Variants in DSC3 observed in about 807,000 individuals in gnomAD.
DSC3 encodes desmocollin-3.
Under a neutral mutation model 89.5 loss-of-function variants are expected in DSC3, and 97 were observed. That is an observed-to-expected ratio of 1.08 (90% CI 0.92 to 1.28). The LOEUF (loss-of-function observed/expected upper bound fraction) is 1.28. DSC3 is among the 50% of genes most tolerant of loss of function. DSC3 has a pLI of 0.00. For synonymous variants in DSC3, 436 were observed against 384.1 expected, an observed-to-expected ratio of 1.14 and a Z score of -1.58; for missense variants, 1,199 against 1,085.3, an observed-to-expected ratio of 1.10 and a Z score of -1.47.
intron 1 of DSC3, among the ~76,000 whole-genome samples, chr18:31,039,850 C>G (rs1318894053): frequency 6.6e-6 from 1 of 152,180 alleles, no homozygotes; most frequent in Non-Finnish European, 1.5e-5. Context: ...ATGCATCAAT[C>G]TAAATATACG....
chr18:31,035,503 T>G (rs1035849771), intron 1 of DSC3, among the ~76,000 whole-genome samples: 7 of 152,056 alleles, frequency 4.6e-5, no homozygotes, highest in African/African-American at 1.7e-4. Flanking sequence ...CTTAAGTATA[T>G]AGTTGTCACC....
At chr18:31,032,043 C>A in intron 2 of DSC3, 149 bp downstream of exon 2, 2 of 624,384 alleles carry the variant, frequency 3.2e-6, no homozygotes, top group Non-Finnish European at 2.9e-6. Flanking sequence ...ACATTTTTAA[C>A]AGAATGATAA....
At chr18:30,999,578 A>C (rs1036018937) in intron 14 of DSC3, among the ~76,000 whole-genome samples, 1 of 152,202 alleles carries the variant, frequency 6.6e-6, no homozygotes, top group Admixed American at 6.5e-5. Flanking sequence ...AGCAATGCTG[A>C]GCCTACAGGG....
In DSC3 at chr18:30,993,422, C is replaced by T. The variant is rs561190888; in HGVS notation, c.*753G>A. 1 of 152,304 alleles carries T rather than the reference C, an allele frequency of 6.6e-6. No homozygotes were observed. The highest frequency in any genetic ancestry group is 2.1e-4 in the South Asian group (1 of 4,822). 9.4% of individuals were successfully genotyped at this position (152,304 alleles called of 1,614,324 possible). A position where few individuals can be genotyped will look rare whatever the true frequency, so the allele number is the denominator to read the frequency against. ...ACAAATTACACAAATTGGACAGGAA[C>T]TATTTCCTCATAGACTCAGTTATAA... On this transcript the variant is annotated 3_prime_UTR_variant, in exon 16 of 16. Transcript: ENST00000360428.
rs751733562 is a variant in DSC3 at position 31,032,245 on chromosome 18, T to A, written c.101A>T (p.Lys34Met). ...TTTAGAAGGTACATTAAGTATCACC[T>A]TTTTGCAGGCTTCACCAGCACGACT... ...IFSRAGEACK[K>M]VILNVPSKLE... The change falls in exon 2 of 16, where the codon AAG becomes ATG. Residue 34 changes from lysine (K) to methionine (M), a missense_variant. Coordinates refer to ENST00000360428, the MANE Select transcript of DSC3 (RefSeq NM_001941.5). The A allele has an allele frequency of 6.2e-7, 1 of 1,613,636 alleles. No homozygotes were observed. Among genetic ancestry groups the A allele is most frequent in the South Asian group, 1.1e-5 (1 of 91,068 alleles).
intron 4 of DSC3, 145 bp from the exon 5 acceptor site, chr18:31,026,060 A>G (rs972596791): frequency 1.2e-6 from 1 of 833,224 alleles, no homozygotes; most frequent in African/African-American, 1.7e-5. Flanking sequence ...ATTGTTGGCA[A>G]GAGTAAGGCA....
At chr18:31,040,232 A>T (rs939218251) in intron 1 of DSC3, among the ~76,000 whole-genome samples, 1 of 152,098 alleles carries the variant, frequency 6.6e-6, no homozygotes, top group African/African-American at 2.4e-5. Context: ...AAAATGATGG[A>T]TTAGCCGTGT....
In DSC3 at chr18:31,042,623, G is replaced by A. The variant is rs1406851414; in HGVS notation, c.38C>T (p.Ala13Val). ...AAGPRRSVRG[A>V]VCLHLLLTLV... The stretch of plus-strand genomic sequence containing the variant: ...GGTCAGCAGCAGATGCAGGCAGACG[G>A]CTCCGCGCACGGAGCGCCGGGGCCC... The change falls in exon 1 of 16, where the codon GCC becomes GTC. Residue 13 changes from alanine to valine, a missense_variant. Transcript: ENST00000360428. 1.9e-6 allele frequency: 3 copies of A among 1,550,282 alleles called. No individual in the cohort carries two copies. The highest frequency in any genetic ancestry group is 2.4e-5 in the East Asian group (1 of 40,904).
At position 31,041,322 on chromosome 18, in the gene DSC3, G is replaced by A. The variant is rs1401717748; in HGVS notation, c.69+1270C>T. Among the ~76,000 whole-genome samples the A allele has an allele frequency of 2.0e-5, 3 of 152,336 alleles. No individual in the cohort carries two copies. The East Asian group carries it at 5.8e-4, about 29-fold the overall frequency. On this transcript the variant is annotated intron_variant, in intron 1 of 15. Coordinates refer to ENST00000360428, the MANE Select transcript of DSC3 (RefSeq NM_001941.5). Reference sequence around the variant, plus strand: ...CACATTCTCTAAGCCGTTTCCATTTGTAGTCACTTCATAAGCTCAGATACT... The same window carrying A: ...CACATTCTCTAAGCCGTTTCCATTTATAGTCACTTCATAAGCTCAGATACT...
chr18:30,996,882 A>T lies in DSC3; in HGVS notation c.2402T>A (p.Leu801Gln). 3 of 1,613,580 alleles carry T rather than the reference A, an allele frequency of 1.9e-6. No individual in the cohort carries two copies. The highest frequency in any genetic ancestry group is 2.5e-6 in the Non-Finnish European group (3 of 1,179,964). The change falls in exon 15 of 16, where the codon CTG (leucine) becomes CAG (glutamine). Residue 801 changes from leucine (L) to glutamine (Q), a missense_variant. Transcript: ENST00000360428. ...CGTGTGTCCTCCCCTGCAGGAGTCCAGGGTATGATGATGCCCAGCCCCCCG... is the reference window on the plus strand; with the variant it reads ...CGTGTGTCCTCCCCTGCAGGAGTCCTGGGTATGATGATGCCCAGCCCCCCG... ...SCRGAGHHHT[L>Q]DSCRGGHTEV... is the part of the protein sequence containing the mutation.
intron 9 of DSC3, among the ~76,000 whole-genome samples, chr18:31,009,231 T>C (rs1425675331): frequency 6.9e-6 from 1 of 145,506 alleles, no homozygotes; most frequent in Non-Finnish European, 1.5e-5. Flanking sequence ...TTGTATTTTT[T>C]TCTTTAGTAA....
At chr18:31,038,705 T>C (rs1233877502) in intron 1 of DSC3, among the ~76,000 whole-genome samples, 4 of 152,094 alleles carry the variant, frequency 2.6e-5, no homozygotes, top group African/African-American at 9.7e-5. Context: ...TACCAAAGAT[T>C]ACATATAGCA....
In DSC3 at chr18:31,006,171, G is replaced by A. The variant is rs146944149; in HGVS notation, c.1888+736C>T. On this transcript the variant is annotated intron_variant, in intron 12 of 15. Transcript: ENST00000360428. The stretch of plus-strand genomic sequence containing the variant: ...CTTCCCATATCCCTTGCTATATCCC[G>A]CCAGGTTCACTTCCAGGATACCCTA... Among the ~76,000 whole-genome samples the A allele has an allele frequency of 5.2e-3, 791 of 152,110 alleles. 11 individuals carry two copies. The highest frequency in any genetic ancestry group is 0.018 in the African/African-American group (741 of 41,502).
At position 31,008,052 on chromosome 18, in the gene DSC3, C is replaced by T. The variant is rs749766506; in HGVS notation, c.1627G>A (p.Glu543Lys). 12 of 1,613,088 alleles carry T rather than the reference C, an allele frequency of 7.4e-6. No homozygotes were observed. In the South Asian group the frequency reaches 1.1e-4, roughly 15 times the overall value. ...LDREVETPKN[E>K]LYNITVLAID... ...GCCAGGACTGTAATATTATACAACTCATTTTTGGGAGTTTCAACCTCCCTA... is the reference window on the plus strand; with the variant it reads ...GCCAGGACTGTAATATTATACAACTTATTTTTGGGAGTTTCAACCTCCCTA... The change falls in exon 11 of 16, where the codon GAG (glutamate) becomes AAG (lysine). Residue 543 changes from glutamate (E) to lysine (K), a missense_variant. Physicochemically the swap from Glu to Lys is moderately conservative, Grantham distance 56. Coordinates refer to ENST00000360428, the MANE Select transcript of DSC3 (RefSeq NM_001941.5).
intron 14 of DSC3, among the ~76,000 whole-genome samples, chr18:30,998,119 GGAAGACAAATAA>G (rs1379214321): frequency 6.6e-6 from 1 of 152,176 alleles, no homozygotes; most frequent in Non-Finnish European, 1.5e-5. Flanking sequence ...GCAATAATGT[GGAAGACAAATAA>G]GAAGACAAAT....
chr18:31,028,576 A>T (rs1447170820), intron 4 of DSC3, among the ~76,000 whole-genome samples: 1 of 152,174 alleles, frequency 6.6e-6, no homozygotes, highest in East Asian at 1.9e-4. Context: ...AATAAAAAAT[A>T]AATGTGAATG....
rs559918084 is a variant in DSC3, at chr18:31,042,680, A to T, written c.-20T>A. 2.0e-4 allele frequency: 313 copies of T among 1,546,806 alleles called. No individual in the cohort carries two copies. The African/African-American group carries it at 2.7e-3, about 13-fold the overall frequency. The stretch of plus-strand genomic sequence containing the variant: ...GGCCATCGGGATGCCGGGCAGGGCC[A>T]GGAGAACGCGGGCGCCGGGAGGGTG... On this transcript the variant is annotated 5_prime_UTR_variant, in exon 1 of 16. Transcript: ENST00000360428.
chr18:31,040,939 G>A (rs1011714329), intron 1 of DSC3, among the ~76,000 whole-genome samples: 32 of 151,936 alleles, frequency 2.1e-4, no homozygotes, highest in African/African-American at 7.3e-4. Context: ...GTCATTTTCT[G>A]TGCACTTTCC....
intron 13 of DSC3, among the ~76,000 whole-genome samples, chr18:31,002,154 A>G (rs1567950033): frequency 6.6e-6 from 1 of 152,232 alleles, no homozygotes; most frequent in Non-Finnish European, 1.5e-5. Flanking sequence ...TTCCTAGAAA[A>G]GATTTATCTT....
Sources: allele counts gnomAD v4.1 joint callset (sites outside exome capture counted in the v4.1 genomes callset), GRCh38; gene constraint gnomAD v4.1.1; transcripts MANE v1.5; gene names NCBI Gene and HGNC (gene_info 2026-07-23, HGNC 2026-07-21).